The following H2BC4 variants were observed in gnomAD, a reference collection of about 807,000 sequenced individuals.
H2BC4 encodes histone H2B type 1-C/E/F/G/I.
A neutral mutation model predicts 6.2 loss-of-function variants in H2BC4; 10 were observed. That is an observed-to-expected ratio of 1.61 (90% CI 0.99 to 2.73). H2BC4 has a LOEUF of 2.73. Ranked by LOEUF, H2BC4 falls within the 30% of genes most tolerant of loss-of-function variation. The pLI is 0.00. For synonymous variants in H2BC4, 146 were observed against 70.7 expected (o/e 2.07, Z -5.35); for missense variants, 176 against 168.7 (o/e 1.04, Z -0.24).
chr6:26,122,886 G>A (rs1763522269), downstream of H2BC4, among the ~76,000 whole-genome samples: 1 of 152,108 alleles, frequency 6.6e-6, no homozygotes, highest in African/African-American at 2.4e-5. Flanking sequence ...CTTTAGTTCT[G>A]TACTGCCTTA....
At chr6:26,113,619 G>T (rs1763385927), downstream of H2BC4, among the ~76,000 whole-genome samples, 3 of 152,120 alleles carry the variant, frequency 2.0e-5, no homozygotes, top group South Asian at 6.2e-4. Context: ...TAGTTTTCTT[G>T]TCTGTAAGTG....
chr6:26,123,533 G>A lies in H2BC4; in HGVS notation c.372C>T (p.Ser124=), dbSNP rs748707089. The change falls in exon 1 of 1, where the codon AGC becomes AGT. Residue 124 remains serine, a synonymous_variant. Transcript: ENST00000396984. ...CGCTTACTTGGAATGTTTACTTGGA[G>A]CTGGTGTACTTGGTGACGGCCTTGG... is the stretch of plus-strand genomic sequence containing the variant. ...EGTKAVTKYT[S]SK 4.3e-6 allele frequency: 7 copies of A among 1,614,266 alleles called. No individual in the cohort carries two copies. In the South Asian group the frequency reaches 6.6e-5, roughly 15 times the overall value.
downstream of H2BC4, among the ~76,000 whole-genome samples, chr6:26,122,899 G>A (rs1280422602): frequency 6.6e-6 from 1 of 152,118 alleles, no homozygotes; most frequent in East Asian, 1.9e-4. Context: ...CTGCCTTAGT[G>A]TTGTTATCAA....
downstream of H2BC4, among the ~76,000 whole-genome samples, chr6:26,114,117 T>C (rs1423691092): frequency 6.6e-6 from 1 of 152,100 alleles, no homozygotes; most frequent in Non-Finnish European, 1.5e-5. Context: ...GTTATAATGT[T>C]TATAAGAGAC....
chr6:26,120,226 G>A (rs1763480931), downstream of H2BC4, among the ~76,000 whole-genome samples: 1 of 152,106 alleles, frequency 6.6e-6, no homozygotes, highest in Admixed American at 6.5e-5. Context: ...ACTTTGGGAG[G>A]CCGAGGTGGA....
chr6:26,122,068 A>G (rs540843138), downstream of H2BC4, among the ~76,000 whole-genome samples: 21 of 151,202 alleles, frequency 1.4e-4, no homozygotes, highest in African/African-American at 4.6e-4. Context: ...AAAAAAAAAA[A>G]AAAGAAAAAA....
In H2BC4 at chr6:26,123,529, T is replaced by A; in HGVS notation, c.376A>T (p.Lys126Ter). ...AAGACGCTTACTTGGAATGTTTACTTGGAGCTGGTGTACTTGGTGACGGCC... is the reference window on the plus strand; with the variant it reads ...AAGACGCTTACTTGGAATGTTTACTAGGAGCTGGTGTACTTGGTGACGGCC... Reference protein sequence around the residue: ...TKAVTKYTSSK With the variant: ...TKAVTKYTSS The change falls in exon 1 of 1, where the codon AAG (lysine) becomes TAG (stop). Residue 126 changes from lysine (K) to a stop codon, truncating the protein, a stop_gained. Coordinates refer to ENST00000396984, the MANE Select transcript of H2BC4 (RefSeq NM_003526.3). LOFTEE classifies it high-confidence loss of function. The A allele has an allele frequency of 6.2e-7, 1 of 1,614,234 alleles. No individual in the cohort carries two copies. The highest frequency in any genetic ancestry group is 8.5e-7 in the Non-Finnish European group (1 of 1,180,036).
chr6:26,121,707 G>A (rs1763498638), downstream of H2BC4, among the ~76,000 whole-genome samples: 1 of 151,830 alleles, frequency 6.6e-6, no homozygotes, highest in Non-Finnish European at 1.5e-5. Flanking sequence ...GTAGGAGAGC[G>A]GTCAGTCTGA....
downstream of H2BC4, among the ~76,000 whole-genome samples, chr6:26,121,627 G>A (rs2113797227): frequency 6.6e-6 from 1 of 152,182 alleles, no homozygotes; most frequent in South Asian, 2.1e-4. Context: ...TAAGAGAAAG[G>A]GGAAAAGGCG....
downstream of H2BC4, among the ~76,000 whole-genome samples, chr6:26,119,786 G>A (rs1487239921): frequency 7.5e-6 from 1 of 132,470 alleles, no homozygotes; most frequent in Non-Finnish European, 1.6e-5. Context: ...TTTTTAAAAT[G>A]AAATTATTAA....
rs139264680 is a variant in H2BC4, at chr6:26,117,153, C to T, written c.*10-2018G>A. ...TCTCAACCTGTTGGACCCCGGTAAA[C>T]ATACTATGATCAACTGGCATTTTCA... On this transcript the variant is annotated intron_variant, in intron 1 of 1. Coordinates refer to the H2BC4 transcript ENST00000314332. Among the ~76,000 whole-genome samples, 4 of 152,250 alleles carry T rather than the reference C, an allele frequency of 2.6e-5. No homozygotes were observed. In the East Asian group the frequency reaches 7.7e-4, roughly 29 times the overall value.
downstream of H2BC4, among the ~76,000 whole-genome samples, chr6:26,120,765 CT>C (rs1336549419): frequency 3.3e-5 from 5 of 152,068 alleles, no homozygotes; most frequent in South Asian, 1.0e-3. Flanking sequence ...TGAAAGCACT[CT>C]TTTTTTTCCC....
chr6:26,116,933 A>G (rs142368013), intron 1 of H2BC4, among the ~76,000 whole-genome samples: 8 of 152,298 alleles, frequency 5.3e-5, no homozygotes, highest in Non-Finnish European at 8.8e-5. Context: ...TACACAGGCT[A>G]AAGGTAGGAA....
chr6:26,123,510 CTTACTTGGAATGT>C lies in H2BC4; in HGVS notation c.*1_*13del, dbSNP rs1763543903. The C allele has an allele frequency of 8.7e-6, 14 of 1,614,224 alleles. No individual in the cohort carries two copies. In the East Asian group the frequency reaches 2.5e-4, roughly 28 times the overall value. ...GCCTTTGGGGTTAGGTGTTAAGACG[CTTACTTGGAATGT>C]TTACTTGGAGCTGGTGTACTTGGTG... is the stretch of plus-strand genomic sequence containing the variant. On this transcript the variant is annotated 3_prime_UTR_variant, in exon 1 of 1. Coordinates refer to ENST00000396984, the MANE Select transcript of H2BC4 (RefSeq NM_003526.3).
rs1474449963 is a variant in H2BC4, at chr6:26,118,348, T to G, written c.*10-3213A>C. Among the ~76,000 whole-genome samples, 2 of 149,626 alleles carry G rather than the reference T, an allele frequency of 1.3e-5. 1 individual carries two copies. Among genetic ancestry groups the G allele is most frequent in the Admixed American group, 1.3e-4 (2 of 14,938 alleles). On this transcript the variant is annotated intron_variant, in intron 1 of 1. Transcript: ENST00000314332. ...TGGTCAAAGATCAGTTTGGTCAACT[T>G]TAGTTAAACAAGTTCATTTTTCCTA...
At chr6:26,119,090 G>A (rs868850667), downstream of H2BC4, among the ~76,000 whole-genome samples, 1 of 151,828 alleles carries the variant, frequency 6.6e-6, no homozygotes, top group Admixed American at 6.6e-5. Flanking sequence ...TGTAGCTATA[G>A]TACTTGATAG....
Position 26,123,661 on chromosome 6 carries a change from C to T in H2BC4, c.244G>A (p.Ala82Thr), listed in dbSNP as rs778296122. The change falls in exon 1 of 1, where the codon GCG becomes ACG. Residue 82 changes from alanine to threonine, a missense_variant. Ala to Thr is a moderately conservative substitution (Grantham distance 58). Coordinates refer to ENST00000396984, the MANE Select transcript of H2BC4 (RefSeq NM_003526.3). The stretch of plus-strand genomic sequence containing the variant: ...ATGGTCGAGCGCTTGTTGTAATGCG[C>T]CAGGCGGGAAGCCTCGCCCGCGATG... ...ERIAGEASRL[A>T]HYNKRSTITS... 7.4e-6 allele frequency: 12 copies of T among 1,614,270 alleles called. No individual in the cohort carries two copies. The South Asian group carries it at 1.3e-4, about 18-fold the overall frequency.
downstream of H2BC4, chr6:26,123,348 C>A: frequency 7.9e-6 from 9 of 1,146,110 alleles, no homozygotes; most frequent in South Asian, 1.7e-5. Flanking sequence ...GGTTCAGGAC[C>A]CTTTGTCCCT....
In H2BC4 at chr6:26,117,014, A is replaced by T. The variant is rs376155126; in HGVS notation, c.*10-1879T>A. On this transcript the variant is annotated intron_variant, in intron 1 of 1. Transcript: ENST00000314332. ...TTGTCTGTCAATGTGCTGAATATAT[A>T]TATCCTTCCAAATCTGGAAGATTTA... 2.0e-4 allele frequency among the ~76,000 whole-genome samples: 31 copies of T among 152,294 alleles called. No individual in the cohort carries two copies. In the South Asian group the frequency reaches 5.2e-3, roughly 25 times the overall value.
Sources: allele counts gnomAD v4.1 joint callset (sites outside exome capture counted in the v4.1 genomes callset), GRCh38; gene constraint gnomAD v4.1.1; transcripts MANE v1.5; gene names NCBI Gene and HGNC (gene_info 2026-07-23, HGNC 2026-07-21).